GNAI3: variants seen among roughly 807,000 people sequenced by gnomAD.
GNAI3 encodes the protein guanine nucleotide-binding protein G(i) subunit alpha-3.
Under a neutral mutation model 41.8 loss-of-function variants are expected in GNAI3, and 12 were observed. The observed-to-expected ratio is 0.29, with a 90% CI of 0.18 to 0.47. The LOEUF (loss-of-function observed/expected upper bound fraction) is 0.47, where lower values mean the gene tolerates loss of function less well. GNAI3 is among the 20% of genes least tolerant of loss of function. GNAI3 has a pLI of 1.00. For synonymous variants in GNAI3, 132 were observed against 146.5 expected, an observed-to-expected ratio of 0.90 and a Z score of 0.71; for missense variants, 360 against 429.6, an observed-to-expected ratio of 0.84 and a Z score of 1.43.
intron 5 of GNAI3, among the ~76,000 whole-genome samples, chr1:109,585,767 C>A (rs916270252): frequency 6.6e-6 from 1 of 152,098 alleles, no homozygotes; most frequent in African/African-American, 2.4e-5. Context: ...AATAATAGTA[C>A]TTCTAGGAGT....
At position 109,548,845 on chromosome 1, in the gene GNAI3, G is replaced by T; in HGVS notation, c.118+7G>T. The T allele has an allele frequency of 3.2e-6, 5 of 1,560,302 alleles. No individual in the cohort carries two copies. Among genetic ancestry groups the T allele is most frequent in the Non-Finnish European group, 4.4e-6 (5 of 1,133,450 alleles). On this transcript the variant is annotated splice_region_variant and intron_variant, in intron 1 of 8. Coordinates refer to ENST00000369851, the MANE Select transcript of GNAI3 (RefSeq NM_006496.4). ...GTGAAGCTGCTGCTACTCGGTGAGGGGCTGGAGGCGGGGACTGAGTGGTGG... is the reference window on the plus strand; with the variant it reads ...GTGAAGCTGCTGCTACTCGGTGAGGTGCTGGAGGCGGGGACTGAGTGGTGG...
At position 109,593,585 on chromosome 1, in the gene GNAI3, G is replaced by A. The variant is rs1325423623; in HGVS notation, c.*1263G>A. On this transcript the variant is annotated 3_prime_UTR_variant, in exon 9 of 9. Transcript: ENST00000369851. The stretch of plus-strand genomic sequence containing the variant: ...CTGTTTCCTTTTGCCTTTGCAGAAT[G>A]TGCTTTAGCCTTTGTCTGAGAATGG... 1.3e-5 allele frequency: 2 copies of A among 152,584 alleles called. No homozygotes were observed. Among genetic ancestry groups the A allele is most frequent in the African/African-American group, 4.8e-5 (2 of 41,430 alleles). The allele number at this position is 152,584 out of a possible 1,614,324, so 9.5% of individuals were successfully genotyped here. A position where few individuals can be genotyped will look rare whatever the true frequency, so the allele number is the denominator to read the frequency against.
chr1:109,567,710 CT>C (rs1571152630), intron 1 of GNAI3, among the ~76,000 whole-genome samples: 2 of 152,124 alleles, frequency 1.3e-5, no homozygotes, highest in East Asian at 3.8e-4. Context: ...CTAAATAAAA[CT>C]TTGCGAGGCC....
At chr1:109,564,021 A>G (rs1384971766) in intron 1 of GNAI3, among the ~76,000 whole-genome samples, 1 of 149,940 alleles carries the variant, frequency 6.7e-6, no homozygotes, top group African/African-American at 2.5e-5. Flanking sequence ...CTTAAAGCCT[A>G]TTCCATTCAG....
At chr1:109,550,414 C>G (rs982399252) in intron 1 of GNAI3, among the ~76,000 whole-genome samples, 2 of 152,246 alleles carry the variant, frequency 1.3e-5, no homozygotes, top group Admixed American at 6.5e-5. Flanking sequence ...ATGCATGGTC[C>G]CTGGTACCTA....
chr1:109,560,247 T>G (rs530166451), intron 1 of GNAI3, among the ~76,000 whole-genome samples: 49 of 152,336 alleles, frequency 3.2e-4, no homozygotes, highest in African/African-American at 1.2e-3. Context: ...TTCAGATGGA[T>G]AAATGTTTTT....
intron 1 of GNAI3, among the ~76,000 whole-genome samples, chr1:109,556,720 A>C (rs1274983825): frequency 5.9e-5 from 9 of 152,166 alleles, no homozygotes; most frequent in Non-Finnish European, 1.5e-5. Context: ...TGAAAACTGC[A>C]GTTGTTTTTA....
At chr1:109,550,050 A>G (rs1424655155) in intron 1 of GNAI3, among the ~76,000 whole-genome samples, 2 of 152,308 alleles carry the variant, frequency 1.3e-5, no homozygotes, top group South Asian at 2.1e-4. Context: ...AGGGGTTTCT[A>G]CAGAAACCCT....
At chr1:109,553,967 C>T (rs1438011736) in intron 1 of GNAI3, among the ~76,000 whole-genome samples, 3 of 152,184 alleles carry the variant, frequency 2.0e-5, no homozygotes, top group African/African-American at 7.2e-5. Flanking sequence ...TTTGGTTTTC[C>T]ATTCCTGAGT....
At chr1:109,590,036 A>G (rs929653069) in intron 7 of GNAI3, among the ~76,000 whole-genome samples, 21 of 152,220 alleles carry the variant, frequency 1.4e-4, no homozygotes, top group African/African-American at 5.1e-4. Context: ...GAAGTAAGAC[A>G]CCTCTAAGAC....
intron 4 of GNAI3, among the ~76,000 whole-genome samples, chr1:109,579,791 G>A (rs1648840402): frequency 6.6e-6 from 1 of 152,202 alleles, no homozygotes; most frequent in Non-Finnish European, 1.5e-5. Flanking sequence ...GACTTCACTA[G>A]TAACCCTTTT....
chr1:109,580,302 A>G (rs1458282030), intron 4 of GNAI3, among the ~76,000 whole-genome samples: 1 of 152,086 alleles, frequency 6.6e-6, no homozygotes, highest in Non-Finnish European at 1.5e-5. Flanking sequence ...CTGGTCCGGA[A>G]TGTATTTTTT....
chr1:109,555,983 T>C lies in GNAI3; in HGVS notation c.118+7145T>C, dbSNP rs866263489. Among the ~76,000 whole-genome samples the C allele has an allele frequency of 4.6e-3, 464 of 101,418 alleles. 1 individual carries two copies. The highest frequency in any genetic ancestry group is 0.013 in the Middle Eastern group (2 of 154). The allele number at this position is 101,418 out of a possible 152,430, so 66.5% of individuals were successfully genotyped here. ...GCGTGCGTGTGTGTGTGTGTGTGTG[T>C]GTGTGTGTGTGTGTGTTTGTGTGTG... On this transcript the variant is annotated intron_variant, in intron 1 of 8. Transcript: ENST00000369851.
chr1:109,555,764 CT>C (rs1219878819), intron 1 of GNAI3, among the ~76,000 whole-genome samples: 1 of 152,146 alleles, frequency 6.6e-6, no homozygotes, highest in East Asian at 1.9e-4. Flanking sequence ...GTCTAGAGAT[CT>C]TTTAGAGATG....
chr1:109,552,282 A>G (rs1648000903), intron 1 of GNAI3, among the ~76,000 whole-genome samples: 1 of 152,224 alleles, frequency 6.6e-6, no homozygotes, highest in Non-Finnish European at 1.5e-5. Flanking sequence ...TCCAGTGCTT[A>G]GGATGGCATA....
At chr1:109,570,119 A>AT (rs1242379158) in intron 1 of GNAI3, among the ~76,000 whole-genome samples, 1 of 152,178 alleles carries the variant, frequency 6.6e-6, no homozygotes, top group Non-Finnish European at 1.5e-5. Flanking sequence ...GAATGAGAGG[A>AT]TTCACCTTTT....
intron 1 of GNAI3, among the ~76,000 whole-genome samples, chr1:109,557,605 A>G (rs1424406124): frequency 6.6e-6 from 1 of 151,876 alleles, no homozygotes; most frequent in East Asian, 1.9e-4. Flanking sequence ...GTGATACCCA[A>G]CCCCCACCCT....
At position 109,582,502 on chromosome 1, in the gene GNAI3, G is replaced by A. The variant is rs765776409; in HGVS notation, c.527G>A (p.Arg176Gln). ...ATTCCAACTCAGCAAGATGTTCTTC[G>A]GACGAGAGTGAAGACCACAGGCATT... ...NYIPTQQDVLRTRVKTTGIVE... is the reference protein window; with the variant it reads ...NYIPTQQDVLQTRVKTTGIVE... The change falls in exon 5 of 9, where the codon CGG becomes CAG. Residue 176 changes from arginine (R) to glutamine (Q), a missense_variant. Coordinates refer to ENST00000369851, the MANE Select transcript of GNAI3 (RefSeq NM_006496.4). The A allele has an allele frequency of 2.5e-6, 4 of 1,595,280 alleles. No individual in the cohort carries two copies. The highest frequency in any genetic ancestry group is 2.2e-5 in the East Asian group (1 of 44,802).
intron 1 of GNAI3, among the ~76,000 whole-genome samples, chr1:109,570,819 G>C (rs1026005154): frequency 6.6e-6 from 1 of 152,146 alleles, no homozygotes; most frequent in Non-Finnish European, 1.5e-5. Flanking sequence ...CATGGATTTT[G>C]AGTATAATTG....
Sources: gnomAD v4.1 joint callset for allele counts (sites outside exome capture counted in the v4.1 genomes callset) on GRCh38, gnomAD v4.1.1 for gene constraint, MANE v1.5 for transcripts, NCBI Gene and HGNC (gene_info 2026-07-23, HGNC 2026-07-21) for gene names.